The following TBC1D32 variants were observed in gnomAD, a reference collection of about 807,000 sequenced individuals.
TBC1D32 encodes protein broad-minded.
Under a neutral mutation model 170.3 loss-of-function variants are expected in TBC1D32, and 151 were observed. The ratio of observed to expected loss-of-function variants is 0.89; its 90% CI spans 0.78 to 1.01. The LOEUF (loss-of-function observed/expected upper bound fraction) is 1.01, where lower values mean the gene tolerates loss of function less well. Among genes scored for constraint, TBC1D32 ranks in the 50% least tolerant of loss-of-function variants. The pLI, the probability that TBC1D32 is intolerant of heterozygous loss-of-function variation, is 0.00. For synonymous variants in TBC1D32, 498 were observed against 488.0 expected, an observed-to-expected ratio of 1.02 and a Z score of -0.27; for missense variants, 1,464 against 1,457.1, an observed-to-expected ratio of 1.00 and a Z score of -0.08.
chr6:121,149,981 T>C (rs1195132826), intron 24 of TBC1D32, among the ~76,000 whole-genome samples: 1 of 152,136 alleles, frequency 6.6e-6, no homozygotes, highest in Non-Finnish European at 1.5e-5. Context: ...ACATCCCTTG[T>C]AAGTTGGATT....
chr6:121,087,537 T>C lies in TBC1D32; in HGVS notation c.3654+3316A>G, dbSNP rs1252419031. ...CTTTTATCATGTCATTTTATCTCAA[T>C]ACATGAAATTTAAATCAGGAAAAGA... On this transcript the variant is annotated intron_variant, in intron 31 of 31. Coordinates refer to ENST00000398212, the MANE Select transcript of TBC1D32 (RefSeq NM_152730.6). 6.6e-5 allele frequency among the ~76,000 whole-genome samples: 10 copies of C among 152,196 alleles called. No individual in the cohort carries two copies. The East Asian group carries it at 1.5e-3, about 23-fold the overall frequency.
At chr6:121,120,829 G>A (rs980328821) in intron 26 of TBC1D32, among the ~76,000 whole-genome samples, 7 of 151,820 alleles carry the variant, frequency 4.6e-5, no homozygotes, top group South Asian at 2.1e-4. Context: ...CTTAACTTTC[G>A]TTTAATAGTA....
chr6:121,313,830 G>A (rs1232315191), intron 3 of TBC1D32, among the ~76,000 whole-genome samples: 3 of 152,146 alleles, frequency 2.0e-5, no homozygotes, highest in Non-Finnish European at 2.9e-5. Context: ...TTTCTCAGCA[G>A]TAGTATAAAA....
intron 22 of TBC1D32, among the ~76,000 whole-genome samples, chr6:121,186,785 T>C (rs1789263285): frequency 1.3e-5 from 2 of 152,050 alleles, no homozygotes; most frequent in Admixed American, 6.6e-5. Flanking sequence ...CTGATGGGAC[T>C]CTAGATTTCC....
At chr6:121,332,803 C>T (rs1323008185) in intron 1 of TBC1D32, among the ~76,000 whole-genome samples, 1 of 151,880 alleles carries the variant, frequency 6.6e-6, no homozygotes, top group Non-Finnish European at 1.5e-5. Context: ...TCTCTGGTAG[C>T]ACCAAAATAA....
At chr6:121,117,544 A>C (rs961255467) in intron 26 of TBC1D32, among the ~76,000 whole-genome samples, 2 of 152,062 alleles carry the variant, frequency 1.3e-5, no homozygotes, top group Non-Finnish European at 2.9e-5. Flanking sequence ...TCTACTAAAA[A>C]TACAAAAATT....
chr6:121,248,447 A>G (rs1797901900), intron 17 of TBC1D32, among the ~76,000 whole-genome samples: 1 of 152,020 alleles, frequency 6.6e-6, no homozygotes, highest in Non-Finnish European at 1.5e-5. Context: ...ACCCAGCAGA[A>G]GAAAAGATAT....
intron 30 of TBC1D32, 128 bp from the exon 31 acceptor site, chr6:121,091,169 A>G (rs1320546171): frequency 4.0e-6 from 3 of 757,978 alleles, no homozygotes; most frequent in Non-Finnish European, 6.2e-6. Context: ...ATACAAAGAC[A>G]GTCTTCATAG....
chr6:121,272,230 T>C (rs1801549889), intron 15 of TBC1D32, among the ~76,000 whole-genome samples: 2 of 152,034 alleles, frequency 1.3e-5, no homozygotes, highest in South Asian at 4.2e-4. Flanking sequence ...CCAAAAGCAA[T>C]GGCAACAAAA....
chr6:121,312,274 T>C (rs1027668067), intron 3 of TBC1D32, among the ~76,000 whole-genome samples: 1 of 152,158 alleles, frequency 6.6e-6, no homozygotes, highest in Admixed American at 6.5e-5. Context: ...GATGGGTTGA[T>C]AGGTACAACA....
At chr6:121,117,587 A>T (rs1779813977) in intron 26 of TBC1D32, among the ~76,000 whole-genome samples, 1 of 152,122 alleles carries the variant, frequency 6.6e-6, no homozygotes, top group Non-Finnish European at 1.5e-5. Context: ...CTGTAATCCC[A>T]GATGCTTGGG....
intron 17 of TBC1D32, among the ~76,000 whole-genome samples, chr6:121,243,151 G>A (rs2128366061): frequency 6.6e-6 from 1 of 151,798 alleles, no homozygotes; most frequent in East Asian, 1.9e-4. Context: ...AAGAAGCAAA[G>A]AAAATATAAT....
intron 1 of TBC1D32, among the ~76,000 whole-genome samples, chr6:121,322,631 C>T (rs1005671012): frequency 3.9e-5 from 6 of 152,152 alleles, no homozygotes; most frequent in African/African-American, 1.4e-4. Flanking sequence ...GTTATATGAC[C>T]TGCTTTATCC....
chr6:121,275,622 AG>A (rs1406835294), intron 15 of TBC1D32, among the ~76,000 whole-genome samples: 2 of 152,168 alleles, frequency 1.3e-5, no homozygotes, highest in Non-Finnish European at 2.9e-5. Context: ...GAATATAAAA[AG>A]GAGGGGATAC....
intron 22 of TBC1D32, among the ~76,000 whole-genome samples, chr6:121,192,717 T>C (rs1790229173): frequency 6.6e-6 from 1 of 152,156 alleles, no homozygotes. Flanking sequence ...GGTAGGACCA[T>C]GATGAAGCTG....
chr6:121,283,075 G>A (rs1356407333), intron 13 of TBC1D32, among the ~76,000 whole-genome samples: 3 of 151,810 alleles, frequency 2.0e-5, no homozygotes, highest in Admixed American at 1.3e-4. Context: ...AGTGAACACT[G>A]TACTGAATAA....
At chr6:121,156,969 G>A (rs548396272) in intron 24 of TBC1D32, among the ~76,000 whole-genome samples, 34 of 152,234 alleles carry the variant, frequency 2.2e-4, no homozygotes, top group African/African-American at 7.0e-4. Flanking sequence ...TAGAAGACAA[G>A]AATGTATATT....
intron 24 of TBC1D32, among the ~76,000 whole-genome samples, chr6:121,145,772 A>G (rs1343632904): frequency 6.6e-6 from 1 of 152,186 alleles, no homozygotes; most frequent in Admixed American, 6.5e-5. Context: ...AGTGGTAAAA[A>G]TCAGGTTCAC....
chr6:121,268,971 G>GA (rs1443406492), intron 15 of TBC1D32, among the ~76,000 whole-genome samples: 1 of 152,158 alleles, frequency 6.6e-6, no homozygotes, highest in African/African-American at 2.4e-5. Flanking sequence ...CCTTCTTGAA[G>GA]AAAAGAATTT....
Sources: allele counts gnomAD v4.1 joint callset (sites outside exome capture counted in the v4.1 genomes callset), GRCh38; gene constraint gnomAD v4.1.1; transcripts MANE v1.5; gene names NCBI Gene and HGNC (gene_info 2026-07-23, HGNC 2026-07-21).